Variants in CNTN6 observed in about 807,000 individuals in gnomAD.
CNTN6 encodes the protein contactin 6, also known as contactin-6.
CNTN6 carries 137 observed loss-of-function variants against 122.8 expected under a neutral mutation model. That is an observed-to-expected ratio of 1.12 (90% confidence interval 0.97 to 1.29). CNTN6 has a LOEUF of 1.29. CNTN6 is among the 50% of genes most tolerant of loss of function. The probability of loss-of-function intolerance (pLI) is 0.00; values close to 1 mark genes in which losing one functional copy is unlikely to be tolerated. For missense variants in CNTN6, 1,634 were observed against 1,223.4 expected (o/e 1.34, Z -5.01); for synonymous variants, 570 against 426.0 (o/e 1.34, Z -4.16).
intron 7 of CNTN6, among the ~76,000 whole-genome samples, chr3:1,318,705 A>T (rs550973958): frequency 6.6e-6 from 1 of 151,798 alleles, no homozygotes; most frequent in Admixed American, 6.6e-5. Flanking sequence ...TTGTCTCACA[A>T]CTAGGAGCAC....
chr3:1,295,209 C>A lies in CNTN6; in HGVS notation c.455-392C>A, dbSNP rs375491527. Among the ~76,000 whole-genome samples the A allele has an allele frequency of 2.0e-4, 31 of 152,288 alleles. 1 individual carries two copies. The highest frequency in any genetic ancestry group is 1.5e-3 in the East Asian group (8 of 5,184). On this transcript the variant is annotated intron_variant, in intron 5 of 22. Coordinates refer to ENST00000446702, the MANE Select transcript of CNTN6 (RefSeq NM_001289080.2). ...CAAGTACCTGTAAGTATGTTTAATT[C>A]TTCTGATAATGCACTGAGAAACACT... is the stretch of plus-strand genomic sequence containing the variant.
At chr3:1,177,898 AT>A (rs11303380) in intron 2 of CNTN6, among the ~76,000 whole-genome samples, 63,375 of 133,212 alleles carry the variant, frequency 0.48, 14,641 homozygotes, top group East Asian at 0.65. Flanking sequence ...TGCCCTTTCC[AT>A]TTTTTTTTTT....
intron 4 of CNTN6, among the ~76,000 whole-genome samples, chr3:1,237,444 G>T (rs1438255210): frequency 1.3e-5 from 2 of 152,170 alleles, no homozygotes; most frequent in Non-Finnish European, 2.9e-5. Context: ...TCCCGAGGAA[G>T]AAGAGAAATC....
intron 6 of CNTN6, among the ~76,000 whole-genome samples, chr3:1,297,472 C>T (rs1025864474): frequency 6.6e-6 from 1 of 152,002 alleles, no homozygotes; most frequent in African/African-American, 2.4e-5. Flanking sequence ...GCAAACTTAG[C>T]GGCAAAACCT....
chr3:1,101,312 C>G (rs1017467023), intron 1 of CNTN6, among the ~76,000 whole-genome samples: 1 of 152,166 alleles, frequency 6.6e-6, no homozygotes, highest in Non-Finnish European at 1.5e-5. Flanking sequence ...CCTTGCCAGT[C>G]TGAGTTTCTC....
At chr3:1,338,000 G>A (rs985550825) in intron 11 of CNTN6, among the ~76,000 whole-genome samples, 8 of 151,840 alleles carry the variant, frequency 5.3e-5, no homozygotes, top group South Asian at 2.1e-4. Flanking sequence ...AAAAAGCTCC[G>A]GTTCATTAAA....
intron 1 of CNTN6, among the ~76,000 whole-genome samples, chr3:1,096,716 T>A (rs777038940): frequency 1.2e-4 from 19 of 152,168 alleles, no homozygotes; most frequent in Admixed American, 6.5e-4. Flanking sequence ...TTTTGGGCAA[T>A]CTGTATCCTC....
At chr3:1,389,469 T>A (rs1693755805) in intron 20 of CNTN6, among the ~76,000 whole-genome samples, 1 of 151,998 alleles carries the variant, frequency 6.6e-6, no homozygotes, top group African/African-American at 2.4e-5. Context: ...TGCCAAAATG[T>A]AAAGACCATC....
At chr3:1,375,355 T>C (rs79269135) in intron 16 of CNTN6, among the ~76,000 whole-genome samples, 5,238 of 152,172 alleles carry the variant, frequency 0.034, 123 homozygotes, top group South Asian at 0.054. Flanking sequence ...GTGATATTCA[T>C]ACCCACTGAG....
intron 2 of CNTN6, among the ~76,000 whole-genome samples, chr3:1,182,555 T>G (rs1219668123): frequency 6.6e-6 from 1 of 151,696 alleles, no homozygotes; most frequent in Non-Finnish European, 1.5e-5. Context: ...ATCGGCATTC[T>G]GTATTAAGAA....
intron 7 of CNTN6, among the ~76,000 whole-genome samples, chr3:1,317,104 G>A (rs1363108243): frequency 2.0e-5 from 3 of 152,056 alleles, no homozygotes; most frequent in East Asian, 1.9e-4. Context: ...ATTAGGAACT[G>A]TGAAATTGTA....
At chr3:1,111,520 A>C (rs1408807819) in intron 1 of CNTN6, among the ~76,000 whole-genome samples, 1 of 152,174 alleles carries the variant, frequency 6.6e-6, no homozygotes, top group Non-Finnish European at 1.5e-5. Context: ...GCTTTTGCCA[A>C]AATTAACGCA....
chr3:1,333,848 A>G (rs564302897), intron 11 of CNTN6, among the ~76,000 whole-genome samples: 1 of 152,154 alleles, frequency 6.6e-6, no homozygotes, highest in South Asian at 2.1e-4. Flanking sequence ...CTTGGTGCCA[A>G]GTCTTCCATC....
intron 16 of CNTN6, among the ~76,000 whole-genome samples, chr3:1,374,345 C>G (rs751052706): frequency 3.9e-5 from 6 of 152,006 alleles, no homozygotes; most frequent in Non-Finnish European, 8.8e-5. Flanking sequence ...ATTTTCTAGT[C>G]AAAATTCATT....
chr3:1,381,147 T>G (rs1450237261), intron 17 of CNTN6, among the ~76,000 whole-genome samples: 1 of 152,200 alleles, frequency 6.6e-6, no homozygotes, highest in Admixed American at 6.5e-5. Context: ...CCTATTTATG[T>G]AGATGAACTG....
intron 20 of CNTN6, among the ~76,000 whole-genome samples, chr3:1,389,428 G>A (rs990776824): frequency 6.6e-6 from 1 of 151,932 alleles, no homozygotes; most frequent in African/African-American, 2.4e-5. Flanking sequence ...AACATGGAAA[G>A]GAACAACCGG....
At chr3:1,217,069 A>C (rs2094139823) in intron 2 of CNTN6, among the ~76,000 whole-genome samples, 1 of 152,218 alleles carries the variant, frequency 6.6e-6, no homozygotes, top group Non-Finnish European at 1.5e-5. Flanking sequence ...TATATTATTA[A>C]ATCTCAAAAC....
chr3:1,347,187 G>A (rs914358596), intron 11 of CNTN6, among the ~76,000 whole-genome samples: 1 of 152,026 alleles, frequency 6.6e-6, no homozygotes, highest in Non-Finnish European at 1.5e-5. Flanking sequence ...GGAATTGCAT[G>A]GTACAATACA....
intron 7 of CNTN6, among the ~76,000 whole-genome samples, chr3:1,307,364 C>G (rs1575634787): frequency 6.6e-6 from 1 of 152,092 alleles, no homozygotes. Context: ...AAAATTATTT[C>G]TTCCTTTTTT....
Sources: allele counts gnomAD v4.1 joint callset (sites outside exome capture counted in the v4.1 genomes callset), GRCh38; gene constraint gnomAD v4.1.1; transcripts MANE v1.5; gene names NCBI Gene and HGNC (gene_info 2026-07-23, HGNC 2026-07-21).